The following FRMD4B variants were observed in gnomAD, a reference collection of about 807,000 sequenced individuals.
FRMD4B encodes FERM domain containing 4B, also known as FERM domain-containing protein 4B.
FRMD4B carries 74 observed loss-of-function variants against 141.5 expected under a neutral mutation model. The ratio of observed to expected loss-of-function variants is 0.52; its 90% CI spans 0.43 to 0.63. The LOEUF (loss-of-function observed/expected upper bound fraction) is 0.63, where lower values mean the gene tolerates loss of function less well. Among genes scored for constraint, FRMD4B ranks in the 30% least tolerant of loss-of-function variants. FRMD4B has a pLI of 0.00. For missense variants in FRMD4B, 1,366 were observed against 1,253.4 expected (o/e 1.09, Z -1.36); for synonymous variants, 506 against 467.9 (o/e 1.08, Z -1.05).
intron 1 of FRMD4B, among the ~76,000 whole-genome samples, chr3:69,462,893 C>T (rs1485830119): frequency 6.6e-6 from 1 of 152,200 alleles, no homozygotes; most frequent in Non-Finnish European, 1.5e-5. Context: ...CCAAGACACC[C>T]CTGGAAGACC....
intron 7 of FRMD4B, among the ~76,000 whole-genome samples, chr3:69,226,426 T>C (rs1250169323): frequency 1.3e-4 from 1 of 7,770 alleles, no homozygotes; most frequent in Non-Finnish European, 2.9e-4. Context: ...CCACATTTAC[T>C]TTTTTTTTTT....
intron 1 of FRMD4B, among the ~76,000 whole-genome samples, chr3:69,359,465 G>A (rs1479575247): frequency 2.0e-5 from 3 of 152,162 alleles, no homozygotes; most frequent in African/African-American, 7.2e-5. Flanking sequence ...TACAAACTGG[G>A]ACTGACCGAT....
intron 12 of FRMD4B, 59 bp downstream of exon 12, chr3:69,198,639 G>T: frequency 1.2e-6 from 1 of 803,902 alleles, no homozygotes; most frequent in Non-Finnish European, 2.1e-6. Context: ...CACAAATGTT[G>T]ATAGCAGCGT....
intron 1 of FRMD4B, among the ~76,000 whole-genome samples, chr3:69,476,427 G>C (rs1017536964): frequency 2.0e-5 from 3 of 152,170 alleles, no homozygotes; most frequent in African/African-American, 7.2e-5. Context: ...CATATGGCTA[G>C]CCAGTTTTCC....
chr3:69,539,828 G>A (rs1467896185), intron 1 of FRMD4B, among the ~76,000 whole-genome samples: 1 of 143,156 alleles, frequency 7.0e-6, no homozygotes, highest in Non-Finnish European at 1.5e-5. Context: ...TTCAAAAAAG[G>A]TGTGTTCAAA....
chr3:69,247,826 T>A (rs536840277), intron 7 of FRMD4B, among the ~76,000 whole-genome samples: 1 of 152,216 alleles, frequency 6.6e-6, no homozygotes, highest in Non-Finnish European at 1.5e-5. Context: ...TTTTTTTGTA[T>A]TTTTAATAGA....
chr3:69,494,479 G>A (rs566245681), intron 1 of FRMD4B, among the ~76,000 whole-genome samples: 5 of 152,334 alleles, frequency 3.3e-5, no homozygotes, highest in Admixed American at 2.0e-4. Flanking sequence ...CCAGATAAAC[G>A]TATGTGGTCT....
intron 1 of FRMD4B, among the ~76,000 whole-genome samples, chr3:69,488,095 G>T (rs1040004686): frequency 1.3e-5 from 2 of 151,760 alleles, no homozygotes; most frequent in African/African-American, 4.8e-5. Context: ...GAGAAAAAAA[G>T]AAAAAAGGAA....
intron 1 of FRMD4B, among the ~76,000 whole-genome samples, chr3:69,478,288 T>C (rs1706039567): frequency 2.0e-5 from 3 of 152,200 alleles, no homozygotes; most frequent in Admixed American, 2.0e-4. Flanking sequence ...TTCTTTTAAT[T>C]GTGATGTTAG....
chr3:69,446,216 C>T (rs979989138), intron 1 of FRMD4B, among the ~76,000 whole-genome samples: 1 of 151,370 alleles, frequency 6.6e-6, no homozygotes, highest in Non-Finnish European at 1.5e-5. Flanking sequence ...TTCGTAGAGA[C>T]GAGGTTTCCT....
chr3:69,486,896 C>T (rs1456095594), intron 1 of FRMD4B, among the ~76,000 whole-genome samples: 1 of 152,176 alleles, frequency 6.6e-6, no homozygotes, highest in Non-Finnish European at 1.5e-5. Context: ...CAGAAAGATG[C>T]TTTGAAAAGA....
intron 8 of FRMD4B, among the ~76,000 whole-genome samples, chr3:69,223,567 G>A (rs926933413): frequency 1.3e-5 from 2 of 151,950 alleles, no homozygotes; most frequent in Non-Finnish European, 2.9e-5. Flanking sequence ...GGTCGGGCCC[G>A]GTGGCTCACA....
intron 5 of FRMD4B, among the ~76,000 whole-genome samples, chr3:69,257,501 G>T (rs2093500080): frequency 6.6e-6 from 1 of 152,190 alleles, no homozygotes; most frequent in Admixed American, 6.5e-5. Context: ...GCTCTTAAGA[G>T]AAGTTGAATT....
intron 14 of FRMD4B, 52 bp from the exon 15 acceptor site, chr3:69,195,416 C>G (rs942265194): frequency 6.8e-7 from 1 of 1,472,140 alleles, no homozygotes; most frequent in African/African-American, 1.4e-5. Flanking sequence ...TGTTTCCTTC[C>G]TTTCTAAGGG....
At chr3:69,532,623 C>CT (rs1701021789) in intron 1 of FRMD4B, among the ~76,000 whole-genome samples, 1 of 152,200 alleles carries the variant, frequency 6.6e-6, no homozygotes, top group Non-Finnish European at 1.5e-5. Context: ...TCCCCTCTCT[C>CT]CCCAGCCCCT....
intron 4 of FRMD4B, among the ~76,000 whole-genome samples, chr3:69,296,663 G>T (rs909510437): frequency 6.6e-6 from 1 of 152,162 alleles, no homozygotes; most frequent in African/African-American, 2.4e-5. Context: ...AGGAGAATCA[G>T]TTGTTTCTCA....
At chr3:69,201,279 TG>T (rs1015608740) in intron 11 of FRMD4B, among the ~76,000 whole-genome samples, 4 of 151,960 alleles carry the variant, frequency 2.6e-5, no homozygotes, top group African/African-American at 9.7e-5. Flanking sequence ...GCAGATGGTA[TG>T]GGGGGTACGT....
chr3:69,506,614 C>A (rs1218818038), intron 1 of FRMD4B, among the ~76,000 whole-genome samples: 1 of 151,966 alleles, frequency 6.6e-6, no homozygotes, highest in Non-Finnish European at 1.5e-5. Context: ...TTGCTCACTG[C>A]AGCCTCGACC....
At chr3:69,354,952 G>A (rs1359407834) in intron 1 of FRMD4B, among the ~76,000 whole-genome samples, 2 of 152,000 alleles carry the variant, frequency 1.3e-5, no homozygotes, top group Non-Finnish European at 2.9e-5. Flanking sequence ...CCAATTGGAC[G>A]GGTTGGATGT....
Sources: allele counts gnomAD v4.1 joint callset (sites outside exome capture counted in the v4.1 genomes callset), GRCh38; gene constraint gnomAD v4.1.1; transcripts MANE v1.5; gene names NCBI Gene and HGNC (gene_info 2026-07-23, HGNC 2026-07-21).